ALMS1: variants seen among roughly 807,000 people sequenced by gnomAD.
ALMS1 encodes the protein ALMS1 centrosome and basal body associated protein.
Under a neutral mutation model 352.2 loss-of-function variants are expected in ALMS1, and 271 were observed. The observed-to-expected ratio is 0.77, with a 90% CI of 0.70 to 0.85. The LOEUF (loss-of-function observed/expected upper bound fraction) is 0.85, where lower values mean the gene tolerates loss of function less well. Among genes scored for constraint, ALMS1 ranks in the 40% least tolerant of loss-of-function variants. ALMS1 has a pLI of 0.00. For missense variants in ALMS1, 5,445 were observed against 4,870.7 expected (o/e 1.12, Z -3.51); for synonymous variants, 1,865 against 1,761.2 (o/e 1.06, Z -1.48).
intron 12 of ALMS1, among the ~76,000 whole-genome samples, chr2:73,549,923 C>T (rs918192239): frequency 7.9e-5 from 12 of 152,160 alleles, no homozygotes; most frequent in Non-Finnish European, 1.3e-4. Context: ...GCGGTGGCAA[C>T]ATCTCTGCTC....
intron 9 of ALMS1, among the ~76,000 whole-genome samples, chr2:73,479,940 A>C (rs1221907700): frequency 6.6e-6 from 1 of 152,126 alleles, no homozygotes; most frequent in Non-Finnish European, 1.5e-5. Flanking sequence ...TATCTTATTA[A>C]GTTTTTAATG....
chr2:73,523,387 T>C (rs1673724407), intron 11 of ALMS1, among the ~76,000 whole-genome samples: 1 of 152,220 alleles, frequency 6.6e-6, no homozygotes, highest in African/African-American at 2.4e-5. Flanking sequence ...AGAAGCAGGC[T>C]ACTAACAATG....
chr2:73,572,640 C>A lies in ALMS1; in HGVS notation c.10763C>A (p.Pro3588Gln), dbSNP rs1432976012. 6.2e-7 allele frequency: 1 copy of A among 1,614,012 alleles called. No individual in the cohort carries two copies. Among genetic ancestry groups the A allele is most frequent in the African/African-American group, 1.3e-5 (1 of 75,036 alleles). Residue 3588 changes from proline (P) to glutamine (Q), a missense_variant, in exon 16 of 23, where the codon CCA becomes CAA. Coordinates refer to ENST00000613296, the MANE Select transcript of ALMS1 (RefSeq NM_001378454.1). Reference sequence around the variant, plus strand: ...CCACAAAGGGATCAGAAGGTCACCCCAGAGCAAACAACTCAGCACACTGTG... The same window carrying A: ...CCACAAAGGGATCAGAAGGTCACCCAAGAGCAAACAACTCAGCACACTGTG... ...SDPQRDQKVT[P>Q]EQTTQHTVSL...
chr2:73,463,684 A>G (rs1672259563), intron 9 of ALMS1, among the ~76,000 whole-genome samples: 3 of 126,070 alleles, frequency 2.4e-5, no homozygotes, highest in African/African-American at 2.9e-5. Context: ...GAAAGGATCA[A>G]CAAAAGACCG....
In ALMS1 at chr2:73,386,027, G is replaced by C. The variant is rs1245177160; in HGVS notation, c.159G>C (p.Glu53Asp). 1.3e-6 allele frequency: 2 copies of C among 1,556,504 alleles called. No individual in the cohort carries two copies. The highest frequency in any genetic ancestry group is 1.7e-6 in the Non-Finnish European group (2 of 1,150,344). ...AGGTGGAGGAAGAGGCGGGGCGGGA[G>C]TTGGACTCCGACTCTCACTACGGGC... ...VEEVEEEAGR[E>D]LDSDSHYGPQ... The change falls in exon 1 of 23, where the codon GAG (glutamate) becomes GAC (aspartate). Residue 53 changes from glutamate (E) to aspartate (D), a missense_variant. Physicochemically the swap from Glu to Asp is conservative, Grantham distance 45. Coordinates refer to ENST00000613296, the MANE Select transcript of ALMS1 (RefSeq NM_001378454.1).
intron 12 of ALMS1, among the ~76,000 whole-genome samples, chr2:73,543,653 C>T (rs1674243323): frequency 6.6e-6 from 1 of 152,118 alleles, no homozygotes; most frequent in African/African-American, 2.4e-5. Flanking sequence ...CTACAATGAA[C>T]TCCAACAAAT....
intron 12 of ALMS1, among the ~76,000 whole-genome samples, chr2:73,542,290 C>A (rs1674202283): frequency 6.6e-6 from 1 of 152,098 alleles, no homozygotes; most frequent in Non-Finnish European, 1.5e-5. Flanking sequence ...TCAATAGATG[C>A]AGAAAAGGCC....
At chr2:73,591,543 TTG>T (rs1675433819) in intron 16 of ALMS1, among the ~76,000 whole-genome samples, 1 of 152,174 alleles carries the variant, frequency 6.6e-6, no homozygotes, top group Non-Finnish European at 1.5e-5. Flanking sequence ...CTTATAAAAA[TTG>T]ACAGACCTGA....
At chr2:73,438,890 C>T (rs1422653836) in intron 7 of ALMS1, among the ~76,000 whole-genome samples, 4 of 152,002 alleles carry the variant, frequency 2.6e-5, no homozygotes, top group Non-Finnish European at 5.9e-5. Flanking sequence ...TGGATTGATC[C>T]TTTACAATTA....
In ALMS1 at chr2:73,460,490, G is replaced by A. The variant is rs533728058; in HGVS notation, c.7674+5195G>A. On this transcript the variant is annotated intron_variant, in intron 9 of 22. Transcript: ENST00000613296. ...AAGATGGCCAAATAGGAACAGCTCC[G>A]GTCTACAGCTCCCAGTGTGAGCAAC... 3.3e-5 allele frequency among the ~76,000 whole-genome samples: 5 copies of A among 152,238 alleles called. No homozygotes were observed. In the South Asian group the frequency reaches 8.3e-4, roughly 25 times the overall value.
At chr2:73,469,668 T>G (rs1672429213) in intron 9 of ALMS1, 1 of 151,886 alleles carries the variant, frequency 6.6e-6, no homozygotes, top group Admixed American at 6.6e-5. Context: ...ATGAAGTATT[T>G]CCTGGGCATG....
At chr2:73,547,796 G>T (rs1401165275) in intron 12 of ALMS1, among the ~76,000 whole-genome samples, 3 of 152,218 alleles carry the variant, frequency 2.0e-5, no homozygotes, top group Non-Finnish European at 4.4e-5. Context: ...GGCGGGGCGG[G>T]TTAGAGTGCA....
Position 73,385,903 on chromosome 2 carries a change from T to TGGAGGA in ALMS1, c.69_74dup (p.Glu27_Glu28dup), listed in dbSNP as rs55889738. ...GAGGATCTGCCATGGCCGGGCGAGC[T>TGGAGGA]GGAGGAGGAGGAGGAGGAGGAGGAG... On this transcript the variant is annotated inframe_insertion, in exon 1 of 23. Coordinates refer to ENST00000613296, the MANE Select transcript of ALMS1 (RefSeq NM_001378454.1). The TGGAGGA allele has an allele frequency of 0.062, 43,740 of 700,634 alleles. 445 individuals carry two copies. Among genetic ancestry groups the TGGAGGA allele is most frequent in the Admixed American group, 0.11 (4,851 of 45,850 alleles). The allele number at this position is 700,634 out of a possible 1,614,324, so 43.4% of individuals were successfully genotyped here. A position where few individuals can be genotyped will look rare whatever the true frequency, so the allele number is the denominator to read the frequency against.
chr2:73,456,770 A>G (rs1558652963), intron 9 of ALMS1: 1 of 152,232 alleles, frequency 6.6e-6, no homozygotes, highest in Non-Finnish European at 1.5e-5. Flanking sequence ...AAAATGGGCA[A>G]TTGGTTGTCT....
intron 10 of ALMS1, among the ~76,000 whole-genome samples, chr2:73,497,333 GT>G (rs1161155077): frequency 6.6e-6 from 1 of 151,730 alleles, no homozygotes; most frequent in Non-Finnish European, 1.5e-5. Flanking sequence ...TGGGATAAAG[GT>G]TGTTTTGGTT....
At chr2:73,512,093 T>C (rs1375677110) in intron 10 of ALMS1, among the ~76,000 whole-genome samples, 1 of 152,064 alleles carries the variant, frequency 6.6e-6, no homozygotes, top group Non-Finnish European at 1.5e-5. Context: ...TGAGATGGAG[T>C]CTCACTCTGT....
intron 21 of ALMS1, chr2:73,603,558 T>A: frequency 2.2e-6 from 1 of 458,432 alleles, no homozygotes; most frequent in Admixed American, 3.4e-5. Context: ...GAAACCTAAA[T>A]GTAAATAAAG....
chr2:73,547,445 G>C (rs950833480), intron 12 of ALMS1, among the ~76,000 whole-genome samples: 1 of 152,248 alleles, frequency 6.6e-6, no homozygotes, highest in Non-Finnish European at 1.5e-5. Context: ...AGAAAAAACT[G>C]GTCCATTTTG....
intron 9 of ALMS1, among the ~76,000 whole-genome samples, chr2:73,475,574 ATTTGT>A (rs1234724802): frequency 1.3e-5 from 2 of 152,066 alleles, no homozygotes; most frequent in African/African-American, 4.8e-5. Context: ...CACTGTACAA[ATTTGT>A]TGAGTTGCAA....
Sources: gnomAD v4.1 joint callset for allele counts (sites outside exome capture counted in the v4.1 genomes callset) on GRCh38, gnomAD v4.1.1 for gene constraint, MANE v1.5 for transcripts, NCBI Gene and HGNC (gene_info 2026-07-23, HGNC 2026-07-21) for gene names.